Variants in PYCR3 observed in about 807,000 individuals in gnomAD.
The protein encoded by PYCR3 is pyrroline-5-carboxylate reductase 3.
Under a neutral mutation model 23.4 loss-of-function variants are expected in PYCR3, and 26 were observed. That is an observed-to-expected ratio of 1.11 (90% CI 0.81 to 1.54). The LOEUF is 1.54. Ranked by LOEUF, PYCR3 falls within the 40% of genes most tolerant of loss-of-function variation. The pLI is 0.00. For synonymous variants in PYCR3, 194 were observed against 162.6 expected, an observed-to-expected ratio of 1.19 and a Z score of -1.47; for missense variants, 360 against 376.3, an observed-to-expected ratio of 0.96 and a Z score of 0.36.
intron 2 of PYCR3, among the ~76,000 whole-genome samples, chr8:143,607,615 C>A (rs894589692): frequency 1.3e-5 from 2 of 152,150 alleles, no homozygotes; most frequent in African/African-American, 2.4e-5. Context: ...CACACATGCA[C>A]AAGCACATAC....
rs141368243 is a variant in PYCR3, at chr8:143,606,639, T to G, written c.377A>C (p.Asn126Thr). ...CCCTTCCTGGACCACACAGGGCAGG[T>G]TGGGCAAGACCCGCAGCACCCGTGT... is the stretch of plus-strand genomic sequence containing the variant. ...PNTRVLRVLP[N>T]LPCVVQEGAI... Residue 126 changes from asparagine to threonine, a missense_variant, in exon 4 of 6, where the codon AAC becomes ACC. Physicochemically the swap from Asn to Thr is moderately conservative, Grantham distance 65. Transcript: ENST00000495276. 7 of 1,607,984 alleles carry G rather than the reference T, an allele frequency of 4.4e-6. No homozygotes were observed. The highest frequency in any genetic ancestry group is 5.1e-6 in the Non-Finnish European group (6 of 1,178,084).
chr8:143,606,396 C>T, intron 4 of PYCR3, 71 bp downstream of exon 4: 1 of 1,514,642 alleles, frequency 6.6e-7, no homozygotes, highest in Non-Finnish European at 9.1e-7. Context: ...AGGGCAGAGG[C>T]TGTCAGAGGG....
Position 143,605,297 on chromosome 8 carries a change from A to G in PYCR3, c.*403T>C. On this transcript the variant is annotated 3_prime_UTR_variant, in exon 6 of 6. Coordinates refer to ENST00000495276, the MANE Select transcript of PYCR3 (RefSeq NM_023078.6). ...TGCACGGAGCCACCTGGAAAGCCAA[A>G]GGCAAGCTCCAGCTCCAGACCAGGC... 3.4e-6 allele frequency: 1 copy of G among 292,716 alleles called. No individual in the cohort carries two copies. The highest frequency in any genetic ancestry group is 6.6e-6 in the Non-Finnish European group (1 of 151,286). 18.1% of individuals were successfully genotyped at this position (292,716 alleles called of 1,614,324 possible). A position where few individuals can be genotyped will look rare whatever the true frequency, so the allele number is the denominator to read the frequency against.
Position 143,609,529 on chromosome 8 carries a change from G to C in PYCR3, c.20C>G (p.Ser7Cys), listed in dbSNP as rs973305756. 9 of 1,513,930 alleles carry C rather than the reference G, an allele frequency of 5.9e-6. No homozygotes were observed. Among genetic ancestry groups the C allele is most frequent in the African/African-American group, 2.9e-5 (2 of 69,332 alleles). The allele number at this position is 1,513,930 out of a possible 1,614,324, so 93.8% of individuals were successfully genotyped here. A position where few individuals can be genotyped will look rare whatever the true frequency, so the allele number is the denominator to read the frequency against. Residue 7 changes from serine to cysteine, a missense_variant, in exon 1 of 6, where the codon TCT (serine) becomes TGT (cysteine). Transcript: ENST00000495276. ...GCCCACGAAGCCCACGCGCCGCGGAGACGGCTCCGCAGCTGCCATCTTGTT... is the reference window on the plus strand; with the variant it reads ...GCCCACGAAGCCCACGCGCCGCGGACACGGCTCCGCAGCTGCCATCTTGTT... MAAAEP[S>C]PRRVGFVGAG...
chr8:143,608,108 T>C lies in PYCR3; in HGVS notation c.110A>G (p.His37Arg). ...LIRAGKVEAQ[H>R]ILASAPTDRN... Reference sequence around the variant, plus strand: ...GTCTGTTGGTGCACTGGCCAGTATGTGCTGAGCTTCCACTTTTCCTGGAAA... The same window carrying C: ...GTCTGTTGGTGCACTGGCCAGTATGCGCTGAGCTTCCACTTTTCCTGGAAA... Residue 37 changes from histidine to arginine, a missense_variant, in exon 2 of 6, where the codon CAC (histidine) becomes CGC (arginine). Transcript: ENST00000495276. The C allele has an allele frequency of 6.2e-7, 1 of 1,613,770 alleles. No individual in the cohort carries two copies. The highest frequency in any genetic ancestry group is 1.1e-5 in the South Asian group (1 of 91,072).
intron 1 of PYCR3, chr8:143,608,756 C>T (rs1829466699): frequency 6.6e-6 from 3 of 452,828 alleles, no homozygotes; most frequent in Non-Finnish European, 1.3e-5. Flanking sequence ...ATTTATGTCT[C>T]ATTTAACCTG....
At chr8:143,608,236 C>A in intron 1 of PYCR3, 110 bp from the exon 2 acceptor site, 1 of 815,406 alleles carries the variant, frequency 1.2e-6, no homozygotes, top group Non-Finnish European at 2.0e-6. Flanking sequence ...CTGGCCCATC[C>A]TGGGCCCCCT....
intron 1 of PYCR3, 59 bp from the exon 2 acceptor site, chr8:143,608,185 G>A (rs1301083850): frequency 7.3e-7 from 1 of 1,379,044 alleles, no homozygotes; most frequent in East Asian, 2.3e-5. Context: ...ATGGCACGGA[G>A]AGGAGAGGGA....
rs985580658 is a variant in PYCR3, at chr8:143,606,383, C to CT, written c.549+83dup. 68 of 1,470,918 alleles carry CT rather than the reference C, an allele frequency of 4.6e-5. No individual in the cohort carries two copies. In the African/African-American group the frequency reaches 8.3e-4, roughly 18 times the overall value. 91.1% of individuals were successfully genotyped at this position (1,470,918 alleles called of 1,614,324 possible). On this transcript the variant is annotated intron_variant, in intron 4 of 5. Transcript: ENST00000495276. ...ACCACGCAGGCCTCAAGGTTGGACT[C>CT]TGAGGGCAGAGGCTGTCAGAGGGAC...
Position 143,609,572 on chromosome 8 carries a change from G to A in PYCR3, c.-24C>T, listed in dbSNP as rs369713636. The A allele has an allele frequency of 4.9e-4, 720 of 1,476,234 alleles. 3 individuals carry two copies. In the South Asian group the frequency reaches 6.3e-3, roughly 13 times the overall value. 91.4% of individuals were successfully genotyped at this position (1,476,234 alleles called of 1,614,324 possible). On this transcript the variant is annotated 5_prime_UTR_variant, in exon 1 of 6. Coordinates refer to ENST00000495276, the MANE Select transcript of PYCR3 (RefSeq NM_023078.6). ...ATCTTGTTGCCTCGGACGCCGCTGC[G>A]CTCACCGCCCATCCACAGGCCGCGC...
chr8:143,604,746 C>T lies in PYCR3; in HGVS notation c.*954G>A, dbSNP rs2131395981. The stretch of plus-strand genomic sequence containing the variant: ...CCTTCAATCCTGGGGGTTTGCTTCT[C>T]CCCTGAGTCCTGGCTTTCCTGACCT... On this transcript the variant is annotated 3_prime_UTR_variant, in exon 6 of 6. Coordinates refer to ENST00000495276, the MANE Select transcript of PYCR3 (RefSeq NM_023078.6). 1 of 394,324 alleles carries T rather than the reference C, an allele frequency of 2.5e-6. No individual in the cohort carries two copies. The highest frequency in any genetic ancestry group is 5.0e-6 in the Non-Finnish European group (1 of 200,802). 24.4% of individuals were successfully genotyped at this position (394,324 alleles called of 1,614,324 possible).
At chr8:143,608,556 G>C in intron 1 of PYCR3, 1 of 328,360 alleles carries the variant, frequency 3.0e-6, no homozygotes, top group Non-Finnish European at 5.9e-6. Context: ...GTCTATGCTG[G>C]AATGTCTAAG....
chr8:143,609,318 C>G, intron 1 of PYCR3, 140 bp downstream of exon 1: 1 of 990,154 alleles, frequency 1.0e-6, no homozygotes, highest in Non-Finnish European at 1.4e-6. Context: ...TAAGAGCAAA[C>G]AGGCGTGGCC....
chr8:143,605,100 C>T lies in PYCR3; in HGVS notation c.*600G>A, dbSNP rs1279043038. 11 of 367,322 alleles carry T rather than the reference C, an allele frequency of 3.0e-5. No homozygotes were observed. Among genetic ancestry groups the T allele is most frequent in the African/African-American group, 4.3e-5 (2 of 46,974 alleles). 22.8% of individuals were successfully genotyped at this position (367,322 alleles called of 1,614,324 possible). A position where few individuals can be genotyped will look rare whatever the true frequency, so the allele number is the denominator to read the frequency against. ...CCTGCTCCTTAGCAGGGGATGAGCA[C>T]GCCCACCACAGCCACCCTCTTCTCC... is the stretch of plus-strand genomic sequence containing the variant. On this transcript the variant is annotated 3_prime_UTR_variant, in exon 6 of 6. Transcript: ENST00000495276.
At position 143,609,141 on chromosome 8, in the gene PYCR3, C is replaced by T. The variant is rs1195969187; in HGVS notation, c.91+317G>A. Among the ~76,000 whole-genome samples the T allele has an allele frequency of 3.9e-5, 6 of 152,328 alleles. No individual in the cohort carries two copies. The East Asian group carries it at 1.2e-3, about 29-fold the overall frequency. On this transcript the variant is annotated intron_variant, in intron 1 of 5. Transcript: ENST00000495276. ...CCAGGTGTCCCTAGAGCCAAGGTGT[C>T]TGGGGGAGAAGCCCTGCTGCTCCCC...
In PYCR3 at chr8:143,607,008, G is replaced by A; in HGVS notation, c.281C>T (p.Thr94Ile). 1 of 1,613,320 alleles carries A rather than the reference G, an allele frequency of 6.2e-7. No individual in the cohort carries two copies. The highest frequency in any genetic ancestry group is 8.5e-7 in the Non-Finnish European group (1 of 1,179,808). The part of the protein sequence containing the change: ...VLAEVAPVVT[T>I]EHILVSVAAG... ...AGCCACGGACACCAAGATGTGTTCAGTGGTGACCACAGGAGCCACCTCTGC... is the reference window on the plus strand; with the variant it reads ...AGCCACGGACACCAAGATGTGTTCAATGGTGACCACAGGAGCCACCTCTGC... The change falls in exon 3 of 6, where the codon ACT becomes ATT. Residue 94 changes from threonine to isoleucine, a missense_variant. By Grantham distance (89) the Thr-to-Ile change is moderately conservative (BLOSUM62 -1). Coordinates refer to ENST00000495276, the MANE Select transcript of PYCR3 (RefSeq NM_023078.6).
Position 143,604,875 on chromosome 8 carries a change from G to A in PYCR3, c.*825C>T. The A allele has an allele frequency of 2.0e-6, 1 of 496,668 alleles. No individual in the cohort carries two copies. Among genetic ancestry groups the A allele is most frequent in the Non-Finnish European group, 4.0e-6 (1 of 249,502 alleles). 30.8% of individuals were successfully genotyped at this position (496,668 alleles called of 1,614,324 possible). ...TCCAGGACCCCTGACCTAGGCACGG[G>A]GCAGGAGGGCCCAGAGCCACCTGGC... is the stretch of plus-strand genomic sequence containing the variant. On this transcript the variant is annotated 3_prime_UTR_variant, in exon 6 of 6. Transcript: ENST00000495276.
chr8:143,608,512 G>A, intron 1 of PYCR3: 1 of 330,314 alleles, frequency 3.0e-6, no homozygotes, highest in Non-Finnish European at 5.8e-6. Context: ...GCCACAGAAG[G>A]CCCAATCGGG....
intron 1 of PYCR3, chr8:143,608,396 G>A (rs1422569312): frequency 8.1e-6 from 4 of 494,308 alleles, no homozygotes; most frequent in Non-Finnish European, 1.4e-5. Flanking sequence ...GATCCCTGGG[G>A]CCTCTGCCTC....
Sources: gnomAD v4.1 joint callset for allele counts (sites outside exome capture counted in the v4.1 genomes callset) on GRCh38, gnomAD v4.1.1 for gene constraint, MANE v1.5 for transcripts, NCBI Gene and HGNC (gene_info 2026-07-23, HGNC 2026-07-21) for gene names.